Variants in CACNA2D3 observed in about 807,000 individuals in gnomAD.
CACNA2D3 encodes calcium voltage-gated channel auxiliary subunit alpha2delta 3.
Under a neutral mutation model 160.6 loss-of-function variants are expected in CACNA2D3, and 60 were observed. That is an observed-to-expected ratio of 0.37 (90% CI 0.30 to 0.46). The LOEUF is 0.46. Among genes scored for constraint, CACNA2D3 ranks in the 20% least tolerant of loss-of-function variants. The pLI is 1.00. For synonymous variants in CACNA2D3, 558 were observed against 492.9 expected (o/e 1.13, Z -1.75); for missense variants, 1,205 against 1,365.0 (o/e 0.88, Z 1.85).
intron 27 of CACNA2D3, among the ~76,000 whole-genome samples, chr3:54,933,051 CCCTTCCTTCCTTCCTTCCTTCCTTCCTT>C (rs60554563): frequency 0.017 from 2,422 of 139,524 alleles, 68 homozygotes; most frequent in African/African-American, 0.053. Context: ...ATCCATCCCT[CCCTTCCTTCCTTCCTTCCTTCCTTCCTT>C]CCTTCCTTCC....
intron 22 of CACNA2D3, 54 bp downstream of exon 22, chr3:54,885,380 A>G (rs1007955201): frequency 5.6e-6 from 9 of 1,608,858 alleles, no homozygotes; most frequent in South Asian, 1.1e-5. Context: ...GCCCTCTTTG[A>G]TTCCACATGG....
chr3:54,200,515 A>C (rs1701159555), intron 2 of CACNA2D3, among the ~76,000 whole-genome samples: 1 of 152,224 alleles, frequency 6.6e-6, no homozygotes, highest in South Asian at 2.1e-4. Flanking sequence ...CCATCAAATA[A>C]AATACACCGA....
At chr3:54,492,333 C>G (rs1037961366) in intron 4 of CACNA2D3, among the ~76,000 whole-genome samples, 8 of 152,166 alleles carry the variant, frequency 5.3e-5, no homozygotes, top group African/African-American at 1.9e-4. Flanking sequence ...ACCAGCAATT[C>G]TGGACACTTC....
At chr3:54,757,455 A>G (rs1701995692) in intron 12 of CACNA2D3, among the ~76,000 whole-genome samples, 1 of 152,182 alleles carries the variant, frequency 6.6e-6, no homozygotes. Flanking sequence ...GTGTCCCCCA[A>G]AAGATAGCTT....
chr3:54,660,396 G>A (rs1699947087), intron 11 of CACNA2D3, among the ~76,000 whole-genome samples: 1 of 152,116 alleles, frequency 6.6e-6, no homozygotes, highest in Non-Finnish European at 1.5e-5. Context: ...TCCTGACCTT[G>A]TGATCCACCC....
chr3:54,989,512 A>G (rs533604291), intron 31 of CACNA2D3, among the ~76,000 whole-genome samples: 131 of 152,320 alleles, frequency 8.6e-4, no homozygotes, highest in African/African-American at 2.9e-3. Flanking sequence ...CCAGTAGAGC[A>G]TTGAGAGTTT....
chr3:54,544,923 A>G (rs1702038271), intron 5 of CACNA2D3, among the ~76,000 whole-genome samples: 1 of 152,226 alleles, frequency 6.6e-6, no homozygotes, highest in Non-Finnish European at 1.5e-5. Context: ...AAATAGATCA[A>G]ATGGTAAAAT....
intron 2 of CACNA2D3, among the ~76,000 whole-genome samples, chr3:54,238,816 C>T (rs1701928320): frequency 6.6e-6 from 1 of 152,186 alleles, no homozygotes; most frequent in African/African-American, 2.4e-5. Context: ...TACAGTGATT[C>T]ACATCAACTC....
At chr3:54,445,032 T>C (rs1004050374) in intron 4 of CACNA2D3, among the ~76,000 whole-genome samples, 1 of 152,346 alleles carries the variant, frequency 6.6e-6, no homozygotes, top group South Asian at 2.1e-4. Context: ...GATTTAAATG[T>C]ACTGGAGAAT....
rs1575354622 is a variant in CACNA2D3 at position 54,574,562 on chromosome 3, G to A, written c.888+4458G>A. Among the ~76,000 whole-genome samples the A allele has an allele frequency of 2.0e-5, 3 of 152,294 alleles. No homozygotes were observed. In the South Asian group the frequency reaches 6.2e-4, roughly 32 times the overall value. ...TTATGAAAGAATAGTTGAAATATGA[G>A]AGTAATTTTGTGCAGTTGAAGTTAA... On this transcript the variant is annotated intron_variant, in intron 8 of 37. Transcript: ENST00000474759.
intron 11 of CACNA2D3, among the ~76,000 whole-genome samples, chr3:54,644,137 G>T (rs1392854058): frequency 6.6e-6 from 1 of 151,988 alleles, no homozygotes; most frequent in East Asian, 1.9e-4. Context: ...ATAGGATGAG[G>T]GCTGCAAAGT....
At chr3:54,412,221 T>C (rs1261491585) in intron 4 of CACNA2D3, among the ~76,000 whole-genome samples, 1 of 152,158 alleles carries the variant, frequency 6.6e-6, no homozygotes, top group Non-Finnish European at 1.5e-5. Flanking sequence ...TTCTTCTAAA[T>C]GGTGCTTTCA....
At chr3:54,825,158 C>T (rs1378366554) in intron 14 of CACNA2D3, among the ~76,000 whole-genome samples, 1 of 152,096 alleles carries the variant, frequency 6.6e-6, no homozygotes, top group Non-Finnish European at 1.5e-5. Flanking sequence ...ACTGCCTTTT[C>T]TTTTGAATGT....
At chr3:54,266,439 T>C (rs1174719118) in intron 2 of CACNA2D3, among the ~76,000 whole-genome samples, 2 of 152,228 alleles carry the variant, frequency 1.3e-5, no homozygotes, top group Non-Finnish European at 2.9e-5. Context: ...TGGAGTTTCA[T>C]GTTGCCTGAA....
intron 2 of CACNA2D3, among the ~76,000 whole-genome samples, chr3:54,185,528 C>G (rs1700865517): frequency 6.6e-6 from 1 of 152,096 alleles, no homozygotes; most frequent in Non-Finnish European, 1.5e-5. Flanking sequence ...AACATGACAT[C>G]TAAAGGTTAA....
At chr3:54,445,550 A>G (rs566535158) in intron 4 of CACNA2D3, among the ~76,000 whole-genome samples, 239 of 114,792 alleles carry the variant, frequency 2.1e-3, no homozygotes, top group African/African-American at 8.0e-3. Context: ...TTTTATTTCT[A>G]TGTATACACA....
Position 54,879,345 on chromosome 3 carries a change from T to C in CACNA2D3, c.1783-5T>C, listed in dbSNP as rs2106838258. 1.3e-6 allele frequency: 2 copies of C among 1,584,814 alleles called. No individual in the cohort carries two copies. The highest frequency in any genetic ancestry group is 1.7e-6 in the Non-Finnish European group (2 of 1,162,636). On this transcript the variant is annotated splice_region_variant and splice_polypyrimidine_tract_variant and intron_variant, in intron 19 of 37. Transcript: ENST00000474759. ...TCTACGACTTTTTTTTTTTTTTCAA[T>C]CTAGAAACGGGTTTTGGTGATGACA...
chr3:54,950,607 G>T (rs2107014142), intron 27 of CACNA2D3, among the ~76,000 whole-genome samples: 1 of 152,304 alleles, frequency 6.6e-6, no homozygotes, highest in East Asian at 1.9e-4. Context: ...ATGCCAACAG[G>T]AGAGTGGACC....
chr3:54,148,913 G>A (rs750664560), intron 2 of CACNA2D3, among the ~76,000 whole-genome samples: 1 of 148,964 alleles, frequency 6.7e-6, no homozygotes, highest in Non-Finnish European at 1.5e-5. Flanking sequence ...GGAGACAGAG[G>A]TTGCAGTGAG....
Sources: gnomAD v4.1 joint callset for allele counts (sites outside exome capture counted in the v4.1 genomes callset) on GRCh38, gnomAD v4.1.1 for gene constraint, MANE v1.5 for transcripts, NCBI Gene and HGNC (gene_info 2026-07-23, HGNC 2026-07-21) for gene names.